MISP: variants seen among roughly 807,000 people sequenced by gnomAD.
The protein encoded by MISP is mitotic interactor and substrate of PLK1.
In MISP, 51 loss-of-function variants were observed where a neutral mutation model predicts 49.3. The ratio of observed to expected loss-of-function variants is 1.03; its 90% CI spans 0.83 to 1.31. The LOEUF is 1.31. Ranked by LOEUF, MISP falls within the 50% of genes most tolerant of loss-of-function variation. The pLI is 0.00. For synonymous variants in MISP, 444 were observed against 392.6 expected, an observed-to-expected ratio of 1.13 and a Z score of -1.55; for missense variants, 1,084 against 935.1, an observed-to-expected ratio of 1.16 and a Z score of -2.08.
At chr19:761,714 T>C (rs1568245492) in intron 4 of MISP, 51 bp downstream of exon 4, 1 of 1,606,176 alleles carries the variant, frequency 6.2e-7, no homozygotes, top group Non-Finnish European at 8.5e-7. Context: ...CCCACATCTG[T>C]GCCCCTGCAC....
Position 758,255 on chromosome 19 carries a change from G to T in MISP, c.1309G>T (p.Glu437Ter). ...PYLSPGTPQL[E>*]FSAFGAFGKP... Reference sequence around the variant, plus strand: ...CCTGAGCCCCGGGACCCCCCAGCTAGAATTCTCAGCCTTCGGAGCATTCGG... The same window carrying T: ...CCTGAGCCCCGGGACCCCCCAGCTATAATTCTCAGCCTTCGGAGCATTCGG... Residue 437 changes from glutamate to a stop codon, truncating the protein, a stop_gained, in exon 2 of 5, where the codon GAA becomes TAA. Transcript: ENST00000215582. LOFTEE classifies it high-confidence loss of function. The T allele has an allele frequency of 6.2e-7, 1 of 1,613,760 alleles. No individual in the cohort carries two copies. Among genetic ancestry groups the T allele is most frequent in the Non-Finnish European group, 8.5e-7 (1 of 1,180,026 alleles).
rs1461141219 is a variant in MISP, at chr19:757,453, C to A, written c.507C>A (p.Asp169Glu). 6.3e-7 allele frequency: 1 copy of A among 1,591,966 alleles called. No individual in the cohort carries two copies. Among genetic ancestry groups the A allele is most frequent in the Non-Finnish European group, 8.5e-7 (1 of 1,170,054 alleles). ...TCCAGGGCACTCCTGACCACGGAGA[C>A]CCCAGGACCCCCGGCCCACCTCGGT... ...ATLQGTPDHG[D>E]PRTPGPPRST... is the part of the protein sequence containing the mutation. Residue 169 changes from aspartate to glutamate, a missense_variant, in exon 2 of 5, where the codon GAC becomes GAA. Coordinates refer to ENST00000215582, the MANE Select transcript of MISP (RefSeq NM_173481.4).
chr19:756,424 C>G (rs547345311), intron 1 of MISP, among the ~76,000 whole-genome samples: 1 of 152,090 alleles, frequency 6.6e-6, no homozygotes, highest in East Asian at 1.9e-4. Flanking sequence ...TCTGATTGAT[C>G]AGGATGAGTC....
chr19:762,033 C>G (rs886630315), intron 4 of MISP, among the ~76,000 whole-genome samples: 1 of 151,500 alleles, frequency 6.6e-6, no homozygotes, highest in Non-Finnish European at 1.5e-5. Flanking sequence ...CTGCAAGCTC[C>G]GCCTCCCGGG....
rs760535146 is a variant in MISP, at chr19:758,492, G to T, written c.1546G>T (p.Glu516Ter). 2 of 1,614,100 alleles carry T rather than the reference G, an allele frequency of 1.2e-6. No homozygotes were observed. The highest frequency in any genetic ancestry group is 1.3e-5 in the African/African-American group (1 of 75,076). Residue 516 changes from glutamate to a stop codon, truncating the protein, a stop_gained, in exon 2 of 5, where the codon GAG (glutamate) becomes TAG (stop). Transcript: ENST00000215582. LOFTEE classifies it high-confidence loss of function. ...TCCTCTGCGGTTCAGGGCCCCAGACGAGCCCCAGCAGGCCCAAGTCCCCCA... is the reference window on the plus strand; with the variant it reads ...TCCTCTGCGGTTCAGGGCCCCAGACTAGCCCCAGCAGGCCCAAGTCCCCCA... Reference protein sequence around the residue: ...LRPLRFRAPDEPQQAQVPHVW... With the variant: ...LRPLRFRAPD
rs1001127328 is a variant in MISP at position 756,805 on chromosome 19, A to T, written c.-57-85A>T. 50 of 685,092 alleles carry T rather than the reference A, an allele frequency of 7.3e-5. 1 individual carries two copies. In the South Asian group the frequency reaches 9.1e-4, roughly 12 times the overall value. 42.4% of individuals were successfully genotyped at this position (685,092 alleles called of 1,614,324 possible). On this transcript the variant is annotated intron_variant, in intron 1 of 4. Coordinates refer to ENST00000215582, the MANE Select transcript of MISP (RefSeq NM_173481.4). ...ACCAATCACAAAGGCCATTTGATGG[A>T]CCCTTTGCCCTTTGGGGGACTGGAG...
chr19:756,048 T>C (rs1234487256), intron 1 of MISP, among the ~76,000 whole-genome samples: 1 of 152,104 alleles, frequency 6.6e-6, no homozygotes, highest in East Asian at 1.9e-4. Context: ...AAACATATAA[T>C]GCGAGTTGTT....
Position 757,187 on chromosome 19 carries a change from G to A in MISP, c.241G>A (p.Gly81Arg). 1 of 1,613,528 alleles carries A rather than the reference G, an allele frequency of 6.2e-7. No homozygotes were observed. The highest frequency in any genetic ancestry group is 8.5e-7 in the Non-Finnish European group (1 of 1,179,968). Residue 81 changes from glycine to arginine, a missense_variant, in exon 2 of 5, where the codon GGG becomes AGG. Gly to Arg is a moderately radical substitution (Grantham distance 125). Coordinates refer to ENST00000215582, the MANE Select transcript of MISP (RefSeq NM_173481.4). ...CTACACTGGCCAGCCGTCCCCACGG[G>A]GGCTCCACTCGGAGAACAGGGAGGA... ...HAYTGQPSPRGLHSENREDEG... is the reference protein window; with the variant it reads ...HAYTGQPSPRRLHSENREDEG...
rs747282349 is a variant in MISP, at chr19:758,215, T to C, written c.1269T>C (p.Asp423=). ...GGAAGGTGAACCGCATCCCACCTGA[T>C]GCCTACCAGCCGTACCTGAGCCCCG... is the stretch of plus-strand genomic sequence containing the variant. ...EVRKVNRIPP[D]AYQPYLSPGT... Residue 423 remains aspartate, a synonymous_variant, in exon 2 of 5, where the codon GAT becomes GAC. Transcript: ENST00000215582. 7.4e-6 allele frequency: 12 copies of C among 1,612,772 alleles called. No homozygotes were observed. In the South Asian group the frequency reaches 1.2e-4, roughly 16 times the overall value.
Position 763,872 on chromosome 19 carries a change from C to T in MISP, c.*282C>T. 1 of 420,932 alleles carries T rather than the reference C, an allele frequency of 2.4e-6. No homozygotes were observed. Among genetic ancestry groups the T allele is most frequent in the Non-Finnish European group, 4.3e-6 (1 of 230,052 alleles). The allele number at this position is 420,932 out of a possible 1,614,324, so 26.1% of individuals were successfully genotyped here. A position where few individuals can be genotyped will look rare whatever the true frequency, so the allele number is the denominator to read the frequency against. ...TCTGCTTCTAAGACTTTGCCAAATG[C>T]CCTGGGTCTAAGAAAGAAAGAGACC... On this transcript the variant is annotated 3_prime_UTR_variant, in exon 5 of 5. Coordinates refer to ENST00000215582, the MANE Select transcript of MISP (RefSeq NM_173481.4).
intron 3 of MISP, among the ~76,000 whole-genome samples, chr19:760,678 T>C (rs904216265): frequency 2.0e-5 from 3 of 149,394 alleles, no homozygotes; most frequent in Admixed American, 6.8e-5. Flanking sequence ...GATATTTACT[T>C]CTAAGAAAGA....
At chr19:752,936 C>G (rs890221664) in intron 1 of MISP, among the ~76,000 whole-genome samples, 42 of 152,232 alleles carry the variant, frequency 2.8e-4, no homozygotes, top group African/African-American at 8.2e-4. Flanking sequence ...CCGACCCCCA[C>G]GTCTGAGCAG....
At chr19:750,193 T>A, upstream of MISP, among the ~76,000 whole-genome samples, 1 of 16,940 alleles carries the variant, frequency 5.9e-5, no homozygotes, top group African/African-American at 1.9e-4. Context: ...CGGTTCTTTT[T>A]TTTTTTTTTT....
At position 758,692 on chromosome 19, in the gene MISP, T is replaced by G. The variant is rs1390563321; in HGVS notation, c.1746T>G (p.Ser582=). The G allele has an allele frequency of 1.2e-6, 2 of 1,614,052 alleles. No individual in the cohort carries two copies. The highest frequency in any genetic ancestry group is 1.7e-6 in the Non-Finnish European group (2 of 1,179,948). ...EVFSPTPDEN[S]DQNSRSSSQA... is the part of the protein sequence containing the mutation. ...TCTCCCCAACGCCAGATGAGAACTCTGACCAGAACTCCAGGAGCTCCTCCC... is the reference window on the plus strand; with the variant it reads ...TCTCCCCAACGCCAGATGAGAACTCGGACCAGAACTCCAGGAGCTCCTCCC... Residue 582 remains serine (S), a synonymous_variant, in exon 2 of 5, where the codon TCT becomes TCG. Coordinates refer to ENST00000215582, the MANE Select transcript of MISP (RefSeq NM_173481.4).
Position 763,560 on chromosome 19 carries a change from C to A in MISP, c.2010C>A (p.Ser670=). 1 of 1,613,994 alleles carries A rather than the reference C, an allele frequency of 6.2e-7. No homozygotes were observed. Among genetic ancestry groups the A allele is most frequent in the South Asian group, 1.1e-5 (1 of 91,080 alleles). The stretch of plus-strand genomic sequence containing the variant: ...ACGCCATGGCAGAGCGCTGGGAATC[C>A]CGCATCTACGCCAGTGAGGAGGATG... ...HKNAMAERWE[S]RIYASEEDD is the part of the protein sequence containing the mutation. The change falls in exon 5 of 5, where the codon TCC becomes TCA. Residue 670 remains serine (S), a synonymous_variant. Transcript: ENST00000215582.
In MISP at chr19:757,900, C is replaced by A; in HGVS notation, c.954C>A (p.Asp318Glu). The A allele has an allele frequency of 6.2e-7, 1 of 1,604,482 alleles. No individual in the cohort carries two copies. Among genetic ancestry groups the A allele is most frequent in the East Asian group, 2.2e-5 (1 of 44,848 alleles). Residue 318 changes from aspartate to glutamate, a missense_variant, in exon 2 of 5, where the codon GAC becomes GAA. Physicochemically the swap from Asp to Glu is conservative, Grantham distance 45. Transcript: ENST00000215582. ...REQRGLRQAT[D>E]HQELVEIPTR... is the part of the protein sequence containing the mutation. ...AGAGGGGGCTTCGGCAGGCAACCGA[C>A]CACCAGGAGCTGGTGGAAATCCCCA...
In MISP at chr19:762,199, G is replaced by A. The variant is rs868787149; in HGVS notation, c.1950+536G>A. On this transcript the variant is annotated intron_variant, in intron 4 of 4. Coordinates refer to ENST00000215582, the MANE Select transcript of MISP (RefSeq NM_173481.4). ...GATCTCCTGACCTCGTGATCCACCC[G>A]CCTCGGCCTCCCAAAGTGCTGGGAT... Among the ~76,000 whole-genome samples, 168 of 148,854 alleles carry A rather than the reference G, an allele frequency of 1.1e-3. 1 individual carries two copies. In the Middle Eastern group the frequency reaches 0.014, roughly 13 times the overall value.
At chr19:752,849 A>G (rs1004904642) in intron 1 of MISP, among the ~76,000 whole-genome samples, 2 of 152,156 alleles carry the variant, frequency 1.3e-5, no homozygotes, top group African/African-American at 4.8e-5. Flanking sequence ...GGGGAGCTCC[A>G]GGGTGCAGGG....
intron 4 of MISP, 23 bp downstream of exon 4, chr19:761,686 A>G: frequency 6.2e-7 from 1 of 1,613,944 alleles, no homozygotes; most frequent in Non-Finnish European, 8.5e-7. Context: ...CTGGGCACGA[A>G]GACTCAAGTC....
Sources: gnomAD v4.1 joint callset for allele counts (sites outside exome capture counted in the v4.1 genomes callset) on GRCh38, gnomAD v4.1.1 for gene constraint, MANE v1.5 for transcripts, NCBI Gene and HGNC (gene_info 2026-07-23, HGNC 2026-07-21) for gene names.